Variants in ADAMTSL1 observed in about 807,000 individuals in gnomAD.
ADAMTSL1 encodes ADAMTS-like protein 1.
In ADAMTSL1, 126 loss-of-function variants were observed where a neutral mutation model predicts 201.8. That is an observed-to-expected ratio of 0.62 (90% confidence interval 0.54 to 0.72). The LOEUF (loss-of-function observed/expected upper bound fraction) is 0.72, where lower values mean the gene tolerates loss of function less well. Ranked by LOEUF, ADAMTSL1 falls within the 30% of genes least tolerant of loss-of-function variation. The probability of loss-of-function intolerance (pLI) is 0.00; values close to 1 mark genes in which losing one functional copy is unlikely to be tolerated. For synonymous variants in ADAMTSL1, 1,121 were observed against 903.4 expected, an observed-to-expected ratio of 1.24 and a Z score of -4.32; for missense variants, 2,679 against 2,277.8, an observed-to-expected ratio of 1.18 and a Z score of -3.59.
At chr9:18,656,650 A>G (rs79461976) in intron 7 of ADAMTSL1, among the ~76,000 whole-genome samples, 1 of 148,382 alleles carries the variant, frequency 6.7e-6, no homozygotes, top group African/African-American at 2.5e-5. Context: ...AAAAAAGAAA[A>G]TGTTAAGACT....
chr9:18,639,323 T>G lies in ADAMTSL1; in HGVS notation c.746T>G (p.Val249Gly). 1 of 1,613,100 alleles carries G rather than the reference T, an allele frequency of 6.2e-7. No individual in the cohort carries two copies. The highest frequency in any genetic ancestry group is 8.5e-7 in the Non-Finnish European group (1 of 1,179,358). The change falls in exon 7 of 29, where the codon GTG becomes GGG. Residue 249 changes from valine to glycine, a missense_variant. Coordinates refer to ENST00000380548, the MANE Select transcript of ADAMTSL1 (RefSeq NM_001040272.6). ...CTCAGCTCCACAGGAACTTTCCTTGTGGACAATTCTAGTGTGGACTTCCAG... is the reference window on the plus strand; with the variant it reads ...CTCAGCTCCACAGGAACTTTCCTTGGGGACAATTCTAGTGTGGACTTCCAG... ...NSLSSTGTFL[V>G]DNSSVDFQKF...
intron 1 of ADAMTSL1, among the ~76,000 whole-genome samples, chr9:18,020,747 G>C (rs551059577): frequency 5.9e-5 from 9 of 152,202 alleles, no homozygotes; most frequent in African/African-American, 1.9e-4. Flanking sequence ...GGCATCAACT[G>C]ACATAGAGGG....
chr9:18,370,451 A>G (rs780878411), intron 2 of ADAMTSL1, among the ~76,000 whole-genome samples: 1 of 152,136 alleles, frequency 6.6e-6, no homozygotes, highest in African/African-American at 2.4e-5. Flanking sequence ...ACCCCCCCCG[A>G]ATCCATAATA....
Position 18,452,054 on chromosome 9 carries a change from C to G in ADAMTSL1, c.208-52775C>G, listed in dbSNP as rs148631102. Among the ~76,000 whole-genome samples, 1,390 of 152,314 alleles carry G rather than the reference C, an allele frequency of 9.1e-3. 23 individuals carry two copies. Among genetic ancestry groups the G allele is most frequent in the African/African-American group, 0.032 (1,316 of 41,570 alleles). Reference sequence around the variant, plus strand: ...TCAGCCTCCCGAGTAGCTGGGATTACAGGCAAGTGCCACCACGCCTGGCTA... The same window carrying G: ...TCAGCCTCCCGAGTAGCTGGGATTAGAGGCAAGTGCCACCACGCCTGGCTA... On this transcript the variant is annotated intron_variant, in intron 2 of 29. Coordinates refer to the ADAMTSL1 transcript ENST00000680146.
chr9:18,589,489 T>C (rs763637354), intron 4 of ADAMTSL1, among the ~76,000 whole-genome samples: 11 of 152,280 alleles, frequency 7.2e-5, no homozygotes, highest in Middle Eastern at 3.4e-3. Context: ...ATTCTGGGGT[T>C]TTTCTAACTA....
chr9:18,080,462 C>A (rs1823449119), intron 1 of ADAMTSL1, among the ~76,000 whole-genome samples: 1 of 152,068 alleles, frequency 6.6e-6, no homozygotes, highest in African/African-American at 2.4e-5. Flanking sequence ...AACGGATGCA[C>A]AATATCAGAG....
At chr9:18,588,392 T>G (rs1823660119) in intron 4 of ADAMTSL1, among the ~76,000 whole-genome samples, 1 of 152,164 alleles carries the variant, frequency 6.6e-6, no homozygotes. Context: ...AGTTTGCAAA[T>G]CTTTTCTCCC....
At chr9:18,837,791 C>A in intron 23 of ADAMTSL1, among the ~76,000 whole-genome samples, 1 of 152,164 alleles carries the variant, frequency 6.6e-6, no homozygotes, top group Non-Finnish European at 1.5e-5. Flanking sequence ...GGCCCAAAAA[C>A]CTAAATTATT....
At chr9:18,008,257 C>T (rs1586887579) in intron 1 of ADAMTSL1, among the ~76,000 whole-genome samples, 1 of 151,922 alleles carries the variant, frequency 6.6e-6, no homozygotes, top group African/African-American at 2.4e-5. Flanking sequence ...TCTTGCTGTT[C>T]AGGAATTGAG....
At chr9:18,346,753 A>C (rs1835736686) in intron 2 of ADAMTSL1, among the ~76,000 whole-genome samples, 1 of 152,150 alleles carries the variant, frequency 6.6e-6, no homozygotes, top group Non-Finnish European at 1.5e-5. Context: ...TCACCCGCTA[A>C]TTAACAAGAA....
upstream of ADAMTSL1, chr9:18,474,138 T>C: frequency 9.9e-7 from 1 of 1,009,220 alleles, no homozygotes; most frequent in Non-Finnish European, 1.5e-6. Context: ...TAGGCAGGAC[T>C]GGAGTGTTAG....
At chr9:18,725,094 G>A (rs1010967539) in intron 15 of ADAMTSL1, among the ~76,000 whole-genome samples, 3 of 152,098 alleles carry the variant, frequency 2.0e-5, no homozygotes, top group Non-Finnish European at 2.9e-5. Context: ...TTTTAGTAGG[G>A]ACGGGGTTTC....
chr9:18,340,115 A>G (rs1009094152), intron 2 of ADAMTSL1, among the ~76,000 whole-genome samples: 1 of 152,148 alleles, frequency 6.6e-6, no homozygotes, highest in African/African-American at 2.4e-5. Flanking sequence ...TCTTTGGAGG[A>G]AAGAGAAACA....
At chr9:18,215,955 C>T (rs962084088) in intron 2 of ADAMTSL1, among the ~76,000 whole-genome samples, 6 of 152,140 alleles carry the variant, frequency 3.9e-5, no homozygotes, top group African/African-American at 1.4e-4. Context: ...ATTACGAGAA[C>T]TGAGTTAGAG....
chr9:18,176,195 C>T (rs1266459181), intron 2 of ADAMTSL1, among the ~76,000 whole-genome samples: 1 of 151,936 alleles, frequency 6.6e-6, no homozygotes, highest in South Asian at 2.1e-4. Context: ...CTTTACTTAT[C>T]ATTTTATACA....
intron 2 of ADAMTSL1, among the ~76,000 whole-genome samples, chr9:18,323,812 T>A (rs1287516879): frequency 6.6e-6 from 1 of 152,202 alleles, no homozygotes; most frequent in Non-Finnish European, 1.5e-5. Flanking sequence ...CAGAAAGGAC[T>A]GCTTTGAGAA....
chr9:18,758,755 G>GTAA (rs1563774070), intron 16 of ADAMTSL1, among the ~76,000 whole-genome samples: 1 of 152,096 alleles, frequency 6.6e-6, no homozygotes, highest in Non-Finnish European at 1.5e-5. Context: ...TATGCACAGG[G>GTAA]TAATGTGTTC....
intron 3 of ADAMTSL1, among the ~76,000 whole-genome samples, chr9:18,540,549 C>T (rs974021895): frequency 1.3e-5 from 2 of 152,046 alleles, no homozygotes; most frequent in Non-Finnish European, 2.9e-5. Flanking sequence ...AGGTGCAGTA[C>T]AAGGTATATT....
At chr9:17,996,680 C>A (rs1271173548) in intron 1 of ADAMTSL1, among the ~76,000 whole-genome samples, 1 of 151,934 alleles carries the variant, frequency 6.6e-6, no homozygotes, top group East Asian at 1.9e-4. Flanking sequence ...GTTTTCTATT[C>A]CTTTCCCTCC....
Sources: allele counts gnomAD v4.1 joint callset (sites outside exome capture counted in the v4.1 genomes callset), GRCh38; gene constraint gnomAD v4.1.1; transcripts MANE v1.5; gene names NCBI Gene and HGNC (gene_info 2026-07-23, HGNC 2026-07-21).